Variants in TENM2 observed in about 807,000 individuals in gnomAD.
The protein encoded by TENM2 is teneurin-2.
Under a neutral mutation model 245.2 loss-of-function variants are expected in TENM2, and 52 were observed. The ratio of observed to expected loss-of-function variants is 0.21; its 90% confidence interval spans 0.17 to 0.27. The LOEUF (loss-of-function observed/expected upper bound fraction) is 0.27. Among genes scored for constraint, TENM2 ranks in the 10% least tolerant of loss-of-function variants. The pLI is 1.00. For synonymous variants in TENM2, 1,363 were observed against 1,438.9 expected (o/e 0.95, Z 1.19); for missense variants, 3,046 against 3,666.8 (o/e 0.83, Z 4.37).
chr5:167,776,625 A>C (rs1447804834), intron 2 of TENM2, among the ~76,000 whole-genome samples: 1 of 37,282 alleles, frequency 2.7e-5, no homozygotes, highest in Non-Finnish European at 4.7e-5. Flanking sequence ...AAAAAAAAAA[A>C]ACCATATATA....
At chr5:167,626,935 G>A (rs117658600) in intron 2 of TENM2, among the ~76,000 whole-genome samples, 3 of 152,234 alleles carry the variant, frequency 2.0e-5, no homozygotes, top group East Asian at 1.9e-4. Flanking sequence ...ACGCTTTCCC[G>A]AAGACAATGA....
intron 6 of TENM2, among the ~76,000 whole-genome samples, chr5:168,059,923 C>A (rs1214472900): frequency 1.3e-5 from 2 of 152,130 alleles, no homozygotes; most frequent in Non-Finnish European, 2.9e-5. Context: ...TAAATAGTGT[C>A]CCATCTATAC....
intron 9 of TENM2, among the ~76,000 whole-genome samples, chr5:168,100,065 C>T (rs189556410): frequency 6.6e-6 from 1 of 152,278 alleles, no homozygotes; most frequent in African/African-American, 2.4e-5. Context: ...GTGATTTTTG[C>T]ACATTGATTT....
the TENM2 span, among the ~76,000 whole-genome samples, chr5:167,160,946 G>A: frequency 0.017 from 2,593 of 152,270 alleles, 82 homozygotes; most frequent in African/African-American, 0.058. Flanking sequence ...CAAAGCTGGG[G>A]ATTTTAAAAC....
At chr5:168,156,107 T>G (rs1581475086) in intron 12 of TENM2, among the ~76,000 whole-genome samples, 1 of 151,868 alleles carries the variant, frequency 6.6e-6, no homozygotes, top group African/African-American at 2.4e-5. Context: ...GATTAACAAG[T>G]AAAATATACC....
At chr5:167,334,348 T>G (rs1674989642) in intron 1 of TENM2, among the ~76,000 whole-genome samples, 1 of 152,234 alleles carries the variant, frequency 6.6e-6, no homozygotes, top group East Asian at 1.9e-4. Flanking sequence ...CAGTAAAATT[T>G]TCTTAAAATA....
At chr5:167,560,378 T>C (rs891936325) in intron 2 of TENM2, among the ~76,000 whole-genome samples, 1 of 152,172 alleles carries the variant, frequency 6.6e-6, no homozygotes, top group African/African-American at 2.4e-5. Flanking sequence ...TTTTTTTTCT[T>C]AGATCTGTTT....
intron 1 of TENM2, among the ~76,000 whole-genome samples, chr5:167,363,301 G>A (rs946324566): frequency 6.6e-6 from 1 of 152,082 alleles, no homozygotes; most frequent in Non-Finnish European, 1.5e-5. Flanking sequence ...CTAAAAAGAG[G>A]TATGTGTTCA....
intron 2 of TENM2, among the ~76,000 whole-genome samples, chr5:167,842,202 A>G (rs1769582756): frequency 6.6e-6 from 1 of 152,146 alleles, no homozygotes; most frequent in South Asian, 2.1e-4. Context: ...GACACTAGAT[A>G]GTGGGATGAT....
intron 2 of TENM2, among the ~76,000 whole-genome samples, chr5:167,796,666 T>G (rs935296796): frequency 6.6e-6 from 1 of 152,060 alleles, no homozygotes; most frequent in Admixed American, 6.6e-5. Context: ...AATGTTTGTC[T>G]CTCCTGTAGA....
At chr5:167,517,105 G>T (rs1254182140) in intron 2 of TENM2, among the ~76,000 whole-genome samples, 2 of 152,128 alleles carry the variant, frequency 1.3e-5, no homozygotes, top group African/African-American at 4.8e-5. Flanking sequence ...AGGCTATAGA[G>T]GGAAATAACT....
At chr5:167,868,228 C>A (rs1772498309) in intron 2 of TENM2, among the ~76,000 whole-genome samples, 1 of 152,082 alleles carries the variant, frequency 6.6e-6, no homozygotes, top group South Asian at 2.1e-4. Flanking sequence ...AGCACCCCAA[C>A]CAAAAAGTTC....
intron 26 of TENM2, among the ~76,000 whole-genome samples, chr5:168,245,249 C>T (rs187160040): frequency 5.3e-5 from 8 of 151,418 alleles, no homozygotes; most frequent in East Asian, 3.9e-4. Flanking sequence ...GGGTGCTAGA[C>T]GCTCAGTAAT....
chr5:167,276,277 G>A, the TENM2 span, among the ~76,000 whole-genome samples: 2 of 151,486 alleles, frequency 1.3e-5, no homozygotes, highest in Non-Finnish European at 2.9e-5. Flanking sequence ...TGGAAGAGAT[G>A]TTGTAGAACT....
chr5:167,763,319 G>A (rs887714311), intron 2 of TENM2, among the ~76,000 whole-genome samples: 2 of 152,034 alleles, frequency 1.3e-5, no homozygotes, highest in African/African-American at 4.8e-5. Flanking sequence ...TTACCAACAG[G>A]CTTTTCCCAG....
intron 1 of TENM2, among the ~76,000 whole-genome samples, chr5:167,298,372 G>T (rs1395672424): frequency 1.3e-5 from 2 of 152,226 alleles, no homozygotes; most frequent in African/African-American, 4.8e-5. Context: ...GGGAGGCCGA[G>T]GGGGGCGGAT....
At chr5:167,265,824 T>C in the TENM2 span, among the ~76,000 whole-genome samples, 1 of 152,146 alleles carries the variant, frequency 6.6e-6, no homozygotes, top group African/African-American at 2.4e-5. Context: ...TTAATTACTC[T>C]CTTTTTTTTC....
chr5:167,778,928 C>T (rs893182530), intron 2 of TENM2, among the ~76,000 whole-genome samples: 1 of 152,218 alleles, frequency 6.6e-6, no homozygotes, highest in African/African-American at 2.4e-5. Flanking sequence ...TTGTCAACGT[C>T]TGATCTGACT....
chr5:167,553,668 C>G (rs901656348), intron 2 of TENM2, among the ~76,000 whole-genome samples: 14 of 152,128 alleles, frequency 9.2e-5, no homozygotes, highest in Non-Finnish European at 1.6e-4. Context: ...ATGCCTTCTG[C>G]ACAGCTGAAT....
Sources: gnomAD v4.1 joint callset for allele counts (sites outside exome capture counted in the v4.1 genomes callset) on GRCh38, gnomAD v4.1.1 for gene constraint, MANE v1.5 for transcripts, NCBI Gene and HGNC (gene_info 2026-07-23, HGNC 2026-07-21) for gene names.